The following SLX4IP variants were observed in gnomAD, a reference collection of about 807,000 sequenced individuals.
SLX4IP encodes protein SLX4IP.
SLX4IP carries 34 observed loss-of-function variants against 32.9 expected under a neutral mutation model. That is an observed-to-expected ratio of 1.03 (90% CI 0.79 to 1.38). SLX4IP has a LOEUF of 1.38. Among genes scored for constraint, SLX4IP ranks in the 40% most tolerant of loss-of-function variants. The pLI, the probability that SLX4IP is intolerant of heterozygous loss-of-function variation, is 0.00. For synonymous variants in SLX4IP, 172 were observed against 171.7 expected, an observed-to-expected ratio of 1.00 and a Z score of -0.01; for missense variants, 444 against 479.0, an observed-to-expected ratio of 0.93 and a Z score of 0.68.
chr20:10,574,416 A>T (rs905788482), intron 4 of SLX4IP, among the ~76,000 whole-genome samples: 2 of 152,100 alleles, frequency 1.3e-5, no homozygotes, highest in Non-Finnish European at 2.9e-5. Flanking sequence ...ATCTGAACCC[A>T]CTACCCCACA....
At chr20:10,523,163 G>A (rs985370137) in intron 2 of SLX4IP, among the ~76,000 whole-genome samples, 5 of 152,106 alleles carry the variant, frequency 3.3e-5, no homozygotes, top group African/African-American at 1.2e-4. Context: ...AGAGCAGGTG[G>A]GGACTATCTC....
intron 2 of SLX4IP, among the ~76,000 whole-genome samples, chr20:10,550,814 G>T (rs1568735906): frequency 6.6e-6 from 1 of 152,204 alleles, no homozygotes; most frequent in African/African-American, 2.4e-5. Flanking sequence ...CTGTTCCTCA[G>T]TACTTGACTG....
chr20:10,458,290 C>T, intron 2 of SLX4IP, 59 bp downstream of exon 2: 1 of 1,446,400 alleles, frequency 6.9e-7, no homozygotes, highest in Non-Finnish European at 9.3e-7. Flanking sequence ...TATAACTGAG[C>T]TCTGTGTTAA....
At chr20:10,616,076 C>G (rs182331138) in intron 6 of SLX4IP, among the ~76,000 whole-genome samples, 89 of 152,286 alleles carry the variant, frequency 5.8e-4, no homozygotes, top group Middle Eastern at 6.8e-3. Flanking sequence ...CCTAAATTTA[C>G]TATATTTTCT....
intron 2 of SLX4IP, among the ~76,000 whole-genome samples, chr20:10,543,784 A>C (rs1054221522): frequency 6.6e-6 from 1 of 152,198 alleles, no homozygotes; most frequent in African/African-American, 2.4e-5. Context: ...GTTTTAGTGG[A>C]GTAATGTGAA....
At chr20:10,509,313 T>G (rs570189540) in intron 2 of SLX4IP, among the ~76,000 whole-genome samples, 44 of 152,338 alleles carry the variant, frequency 2.9e-4, no homozygotes, top group African/African-American at 1.0e-3. Context: ...CTTATAGTTT[T>G]GCAGTTGAAG....
Position 10,626,999 on chromosome 20 carries a change from G to A in SLX4IP, c.*3620G>A, listed in dbSNP as rs1399558553. On this transcript the variant is annotated 3_prime_UTR_variant, in exon 8 of 8. Transcript: ENST00000334534. Reference sequence around the variant, plus strand: ...TCAGTGGCCTCTGATTTCAGAAAGAGCTTGGCGAGGGCAGAACACATAAGG... The same window carrying A: ...TCAGTGGCCTCTGATTTCAGAAAGAACTTGGCGAGGGCAGAACACATAAGG... The A allele has an allele frequency of 6.6e-6, 1 of 152,204 alleles. No individual in the cohort carries two copies. The highest frequency in any genetic ancestry group is 1.5e-5 in the Non-Finnish European group (1 of 68,044). 9.4% of individuals were successfully genotyped at this position (152,204 alleles called of 1,614,324 possible). A position where few individuals can be genotyped will look rare whatever the true frequency, so the allele number is the denominator to read the frequency against.
intron 4 of SLX4IP, among the ~76,000 whole-genome samples, chr20:10,581,705 CAGG>C (rs1473789155): frequency 6.6e-6 from 1 of 152,060 alleles, no homozygotes; most frequent in Non-Finnish European, 1.5e-5. Context: ...CATTTGAGAG[CAGG>C]AGTTCAAGAC....
chr20:10,588,313 T>A (rs1039063655), intron 4 of SLX4IP, among the ~76,000 whole-genome samples: 1 of 152,196 alleles, frequency 6.6e-6, no homozygotes, highest in Non-Finnish European at 1.5e-5. Context: ...TGAGATGTCA[T>A]CTCATACCTG....
At chr20:10,573,879 A>G (rs2066493603) in intron 4 of SLX4IP, among the ~76,000 whole-genome samples, 1 of 152,222 alleles carries the variant, frequency 6.6e-6, no homozygotes, top group African/African-American at 2.4e-5. Context: ...TTATCCACAC[A>G]TGTAAAGCTT....
intron 4 of SLX4IP, among the ~76,000 whole-genome samples, chr20:10,580,482 G>T (rs1002878595): frequency 7.1e-6 from 1 of 139,978 alleles, no homozygotes; most frequent in African/African-American, 2.6e-5. Flanking sequence ...ACTCCCCTTT[G>T]TTAAGTTAGA....
Position 10,458,172 on chromosome 20 carries a change from A to G in SLX4IP, c.-29-4A>G. 9.1e-6 allele frequency: 14 copies of G among 1,532,678 alleles called. No individual in the cohort carries two copies. Among genetic ancestry groups the G allele is most frequent in the South Asian group, 9.1e-5 (7 of 77,118 alleles). 94.9% of individuals were successfully genotyped at this position (1,532,678 alleles called of 1,614,324 possible). ...CCTAATTGTAACTTTTTTTTTTCTT[A>G]AAGGTCTGTAGTTACTGTGGAATCA... On this transcript the variant is annotated splice_region_variant and splice_polypyrimidine_tract_variant and intron_variant, in intron 1 of 7. Transcript: ENST00000334534.
chr20:10,510,272 T>C (rs1164754440), intron 2 of SLX4IP, among the ~76,000 whole-genome samples: 1 of 152,262 alleles, frequency 6.6e-6, no homozygotes, highest in Non-Finnish European at 1.5e-5. Flanking sequence ...ACATCTGTCA[T>C]GTCTGTGACA....
At chr20:10,531,124 G>T (rs1204538580) in intron 2 of SLX4IP, among the ~76,000 whole-genome samples, 1 of 152,208 alleles carries the variant, frequency 6.6e-6, no homozygotes, top group Non-Finnish European at 1.5e-5. Flanking sequence ...CAGGCTTGCA[G>T]CATTGACTCC....
At chr20:10,615,871 A>G (rs569515994) in intron 6 of SLX4IP, among the ~76,000 whole-genome samples, 1 of 152,274 alleles carries the variant, frequency 6.6e-6, no homozygotes, top group Non-Finnish European at 1.5e-5. Context: ...CAATAGGTCC[A>G]ACTCCTTCCT....
chr20:10,583,996 C>T (rs1045988573), intron 4 of SLX4IP, among the ~76,000 whole-genome samples: 1 of 152,032 alleles, frequency 6.6e-6, no homozygotes, highest in Admixed American at 6.6e-5. Context: ...AATTTAGCAC[C>T]TTAATTAAGA....
At chr20:10,557,141 A>G (rs1204302838) in intron 3 of SLX4IP, among the ~76,000 whole-genome samples, 1 of 152,228 alleles carries the variant, frequency 6.6e-6, no homozygotes, top group African/African-American at 2.4e-5. Context: ...AGACTGAGAA[A>G]TAAAAATCAG....
chr20:10,518,396 T>C (rs1246009734), intron 2 of SLX4IP, among the ~76,000 whole-genome samples: 21,888 of 112,232 alleles, frequency 0.2, 3,020 homozygotes, highest in Admixed American at 0.27. Context: ...TCTTCCTTTC[T>C]TTCTTTCTTT....
At chr20:10,531,712 G>A (rs1360207777) in intron 2 of SLX4IP, among the ~76,000 whole-genome samples, 1 of 152,162 alleles carries the variant, frequency 6.6e-6, no homozygotes, top group Non-Finnish European at 1.5e-5. Context: ...GTGACTGGAG[G>A]TGGTTCCTGC....
Sources: allele counts gnomAD v4.1 joint callset (sites outside exome capture counted in the v4.1 genomes callset), GRCh38; gene constraint gnomAD v4.1.1; transcripts MANE v1.5; gene names NCBI Gene and HGNC (gene_info 2026-07-23, HGNC 2026-07-21).